The following DIXDC1 variants were observed in gnomAD, a reference collection of about 807,000 sequenced individuals.
DIXDC1 encodes dixin.
In DIXDC1, 64 loss-of-function variants were observed where a neutral mutation model predicts 103.1. That is an observed-to-expected ratio of 0.62 (90% CI 0.51 to 0.76). DIXDC1 has a LOEUF of 0.76. Among genes scored for constraint, DIXDC1 ranks in the 30% least tolerant of loss-of-function variants. DIXDC1 has a pLI of 0.00. For synonymous variants in DIXDC1, 266 were observed against 298.5 expected, an observed-to-expected ratio of 0.89 and a Z score of 1.12; for missense variants, 759 against 834.2, an observed-to-expected ratio of 0.91 and a Z score of 1.11.
chr11:111,956,810 G>A (rs1341077389), intron 1 of DIXDC1, among the ~76,000 whole-genome samples: 2 of 152,100 alleles, frequency 1.3e-5, no homozygotes, highest in African/African-American at 4.8e-5. Context: ...AATTACAGTA[G>A]CGGATTAATA....
intron 17 of DIXDC1, among the ~76,000 whole-genome samples, chr11:112,010,237 AACTT>A (rs1555177083): frequency 6.6e-6 from 1 of 152,210 alleles, no homozygotes; most frequent in Non-Finnish European, 1.5e-5. Context: ...CTAGGAATCC[AACTT>A]ACAAGGGATG....
chr11:111,950,129 A>G (rs1374326358), intron 1 of DIXDC1, among the ~76,000 whole-genome samples: 1 of 151,998 alleles, frequency 6.6e-6, no homozygotes, highest in African/African-American at 2.4e-5. Flanking sequence ...GGATCAAGAA[A>G]ACCAATTTTA....
chr11:112,020,967 G>A lies in DIXDC1; in HGVS notation c.*1931G>A, dbSNP rs1861742162. ...AAGTCCTCATGTCACCAATTTCTCT[G>A]TTGCATGAATTTTAGTGTTTTGCTA... On this transcript the variant is annotated 3_prime_UTR_variant, in exon 20 of 20. Coordinates refer to ENST00000440460, the MANE Select transcript of DIXDC1 (RefSeq NM_001037954.4). 1 of 152,210 alleles carries A rather than the reference G, an allele frequency of 6.6e-6. No individual in the cohort carries two copies. Among genetic ancestry groups the A allele is most frequent in the Admixed American group, 6.5e-5 (1 of 15,286 alleles). 9.4% of individuals were successfully genotyped at this position (152,210 alleles called of 1,614,324 possible). A position where few individuals can be genotyped will look rare whatever the true frequency, so the allele number is the denominator to read the frequency against.
Position 111,937,523 on chromosome 11 carries a change from G to A in DIXDC1, c.24G>A (p.Gly8=). 1 of 1,596,100 alleles carries A rather than the reference G, an allele frequency of 6.3e-7. No homozygotes were observed. The highest frequency in any genetic ancestry group is 1.1e-5 in the South Asian group (1 of 87,710). The stretch of plus-strand genomic sequence containing the variant: ...CAATGCTAGCCTGCCTGACCCGAGG[G>A]AACTTACTGGACGTCCTGCAGGAGG... MLACLTR[G]NLLDVLQEGF... Residue 8 remains glycine, a synonymous_variant, in exon 1 of 20, where the codon GGG becomes GGA. Coordinates refer to ENST00000440460, the MANE Select transcript of DIXDC1 (RefSeq NM_001037954.4).
In DIXDC1 at chr11:112,014,888, C is replaced by CT. The variant is rs200874690; in HGVS notation, c.1757-1790dup. Among the ~76,000 whole-genome samples, 186 of 144,310 alleles carry CT rather than the reference C, an allele frequency of 1.3e-3. 2 individuals are homozygous for CT. The highest frequency in any genetic ancestry group is 8.2e-3 in the East Asian group (41 of 5,030). The allele number at this position is 144,310 out of a possible 152,430, so 94.7% of individuals were successfully genotyped here. ...CATGTAGGTTACAATAATTGGCATT[C>CT]TTTTTTTTTTTTTGGAGACAGAGTT... On this transcript the variant is annotated intron_variant, in intron 17 of 19. Coordinates refer to ENST00000440460, the MANE Select transcript of DIXDC1 (RefSeq NM_001037954.4).
At chr11:111,995,874 A>G (rs1207218419) in intron 16 of DIXDC1, among the ~76,000 whole-genome samples, 2 of 152,148 alleles carry the variant, frequency 1.3e-5, no homozygotes, top group Non-Finnish European at 2.9e-5. Context: ...TTGGCCTTGG[A>G]TGAGAAAATA....
At chr11:111,953,644 C>A (rs1555170289) in intron 1 of DIXDC1, among the ~76,000 whole-genome samples, 5 of 151,986 alleles carry the variant, frequency 3.3e-5, no homozygotes, top group African/African-American at 4.8e-5. Flanking sequence ...ATCAATCAAT[C>A]AATAAATAAA....
At chr11:112,003,312 C>T (rs1022234659) in intron 17 of DIXDC1, among the ~76,000 whole-genome samples, 21 of 151,632 alleles carry the variant, frequency 1.4e-4, no homozygotes, top group Non-Finnish European at 2.5e-4. Context: ...CAAAAATTAG[C>T]GGGCGGGTGG....
intron 17 of DIXDC1, among the ~76,000 whole-genome samples, chr11:112,014,258 A>G (rs1861518606): frequency 6.6e-6 from 1 of 152,196 alleles, no homozygotes; most frequent in Admixed American, 6.5e-5. Context: ...GTCTAATCAT[A>G]TCACTACCTT....
rs782743101 is a variant in DIXDC1, at chr11:111,992,396, A to G, written c.1114-19A>G. On this transcript the variant is annotated intron_variant, in intron 10 of 19. Coordinates refer to ENST00000440460, the MANE Select transcript of DIXDC1 (RefSeq NM_001037954.4). ...TTGATGAACTGAGACAACAATAATT[A>G]GTATGCTTTTTCCCCTAGGATGCCT... 1.3e-6 allele frequency: 2 copies of G among 1,550,048 alleles called. No homozygotes were observed. The highest frequency in any genetic ancestry group is 1.8e-6 in the Non-Finnish European group (2 of 1,142,824).
intron 7 of DIXDC1, among the ~76,000 whole-genome samples, chr11:111,984,827 A>T (rs1555173646): frequency 6.6e-6 from 1 of 152,344 alleles, no homozygotes; most frequent in East Asian, 1.9e-4. Context: ...CTCCAAATGT[A>T]TTCCAAATAA....
At chr11:112,001,217 G>A (rs1456101324) in intron 17 of DIXDC1, among the ~76,000 whole-genome samples, 2 of 152,190 alleles carry the variant, frequency 1.3e-5, no homozygotes, top group African/African-American at 4.8e-5. Flanking sequence ...TATTGTGTAA[G>A]TCCATTTATA....
upstream of DIXDC1, among the ~76,000 whole-genome samples, chr11:111,933,541 C>T (rs782632281): frequency 1.9e-4 from 29 of 152,036 alleles, no homozygotes; most frequent in Non-Finnish European, 3.5e-4. Flanking sequence ...GCGATCCTCC[C>T]ACCTCAGCCT....
At chr11:111,995,265 T>A (rs1860856215) in intron 15 of DIXDC1, 138 bp from the exon 16 acceptor site, 1 of 1,354,074 alleles carries the variant, frequency 7.4e-7, no homozygotes, top group South Asian at 1.3e-5. Flanking sequence ...TATCCAAAAT[T>A]AAGAATTAGT....
At chr11:111,997,808 TAAG>T (rs1860949989) in intron 17 of DIXDC1, among the ~76,000 whole-genome samples, 1 of 152,226 alleles carries the variant, frequency 6.6e-6, no homozygotes, top group African/African-American at 2.4e-5. Context: ...GCTTGAAAAC[TAAG>T]ATGTTAATCT....
chr11:112,016,604 T>A (rs1861598279), intron 17 of DIXDC1, 87 bp from the exon 18 acceptor site: 1 of 1,172,022 alleles, frequency 8.5e-7, no homozygotes, highest in Non-Finnish European at 1.2e-6. Flanking sequence ...CTCAGGCAGC[T>A]TTGTTCTCCC....
chr11:111,988,913 A>G (rs1860596114), intron 9 of DIXDC1, 92 bp from the exon 10 acceptor site: 3 of 1,107,978 alleles, frequency 2.7e-6, no homozygotes, highest in South Asian at 2.8e-5. Context: ...GGAATGATCA[A>G]CTGGGTTTTG....
At chr11:111,929,392 A>G (rs1965941314) in intron 1 of DIXDC1, among the ~76,000 whole-genome samples, 1 of 152,108 alleles carries the variant, frequency 6.6e-6, no homozygotes, top group African/African-American at 2.4e-5. Flanking sequence ...TCACTTTATT[A>G]GTATTAATAC....
intron 17 of DIXDC1, among the ~76,000 whole-genome samples, chr11:112,007,611 G>C (rs377397185): frequency 5.3e-5 from 8 of 152,288 alleles, no homozygotes; most frequent in African/African-American, 1.9e-4. Context: ...CGGATCTCTC[G>C]ACAGAAACTC....
Sources: gnomAD v4.1 joint callset for allele counts (sites outside exome capture counted in the v4.1 genomes callset) on GRCh38, gnomAD v4.1.1 for gene constraint, MANE v1.5 for transcripts, NCBI Gene and HGNC (gene_info 2026-07-23, HGNC 2026-07-21) for gene names.